The following CHST11 variants were observed in gnomAD, a reference collection of about 807,000 sequenced individuals.
CHST11 encodes the protein C4S-1.
In CHST11, 9 loss-of-function variants were observed where a neutral mutation model predicts 30.4. The observed-to-expected ratio is 0.30, with a 90% CI of 0.18 to 0.52. The LOEUF (loss-of-function observed/expected upper bound fraction) is 0.52, where lower values mean the gene tolerates loss of function less well. Ranked by LOEUF, CHST11 falls within the 20% of genes least tolerant of loss-of-function variation. The pLI, the probability that CHST11 is intolerant of heterozygous loss-of-function variation, is 0.97. For missense variants in CHST11, 348 were observed against 460.6 expected (o/e 0.76, Z 2.24); for synonymous variants, 152 against 187.8 (o/e 0.81, Z 1.56).
intron 1 of CHST11, among the ~76,000 whole-genome samples, chr12:104,527,371 T>G (rs964876634): frequency 1.3e-5 from 2 of 152,174 alleles, no homozygotes; most frequent in Non-Finnish European, 2.9e-5. Flanking sequence ...TCCAACCTCA[T>G]GGAGTGTCAC....
At chr12:104,599,151 G>C in intron 1 of CHST11, among the ~76,000 whole-genome samples, 1 of 152,212 alleles carries the variant, frequency 6.6e-6, no homozygotes, top group Non-Finnish European at 1.5e-5. Flanking sequence ...GGCCCCTTTA[G>C]CTTTTGTGGT....
At chr12:104,485,598 A>G (rs1011542765) in intron 1 of CHST11, among the ~76,000 whole-genome samples, 1 of 152,158 alleles carries the variant, frequency 6.6e-6, no homozygotes, top group Non-Finnish European at 1.5e-5. Context: ...AGTTGTGACA[A>G]TGGCAGAAAC....
chr12:104,703,768 C>G (rs1290902816), intron 2 of CHST11, among the ~76,000 whole-genome samples: 1 of 152,252 alleles, frequency 6.6e-6, no homozygotes, highest in Admixed American at 6.5e-5. Context: ...TAAGCACACA[C>G]CAGGCACATG....
intron 2 of CHST11, among the ~76,000 whole-genome samples, chr12:104,633,406 CTCTG>C (rs2039291169): frequency 6.9e-6 from 1 of 145,020 alleles, no homozygotes; most frequent in Non-Finnish European, 1.5e-5. Context: ...GCTCCTCTCC[CTCTG>C]TCTTTTTTTT....
At chr12:104,486,614 A>G (rs1291848640) in intron 1 of CHST11, among the ~76,000 whole-genome samples, 2 of 152,152 alleles carry the variant, frequency 1.3e-5, no homozygotes, top group African/African-American at 2.4e-5. Flanking sequence ...TGTTTCTGGA[A>G]CTTTCCAGTC....
chr12:104,657,034 A>T (rs941790059), intron 2 of CHST11, among the ~76,000 whole-genome samples: 10 of 151,826 alleles, frequency 6.6e-5, no homozygotes, highest in Admixed American at 2.0e-4. Flanking sequence ...ATTGATGAAG[A>T]AAGCGTGGCA....
chr12:104,613,748 C>T (rs1242624115), intron 2 of CHST11, among the ~76,000 whole-genome samples: 1 of 152,164 alleles, frequency 6.6e-6, no homozygotes, highest in East Asian at 1.9e-4. Context: ...TTCTTTATAG[C>T]AGTGCAAGAA....
At position 104,698,055 on chromosome 12, in the gene CHST11, C is replaced by T. The variant is rs71468227; in HGVS notation, c.205-58894C>T. On this transcript the variant is annotated intron_variant, in intron 2 of 2. Coordinates refer to ENST00000303694, the MANE Select transcript of CHST11 (RefSeq NM_018413.6). ...CCCTGTGTCCTTACTGGTCTCCTGG[C>T]GTCAATGTCCCCTAGTTGAATGCAT... 5.4e-3 allele frequency among the ~76,000 whole-genome samples: 817 copies of T among 152,286 alleles called. 5 individuals carry two copies. The highest frequency in any genetic ancestry group is 8.7e-3 in the Non-Finnish European group (595 of 68,030).
intron 2 of CHST11, among the ~76,000 whole-genome samples, chr12:104,627,389 G>A (rs75787219): frequency 0.019 from 2,845 of 152,226 alleles, 58 homozygotes; most frequent in African/African-American, 0.05. Flanking sequence ...TATGGTAGGA[G>A]TATGTTGACT....
intron 2 of CHST11, among the ~76,000 whole-genome samples, chr12:104,748,665 G>C (rs1451994742): frequency 2.0e-5 from 3 of 152,114 alleles, no homozygotes; most frequent in Admixed American, 2.0e-4. Flanking sequence ...AAGCCTCAGG[G>C]AACACCAGCC....
At chr12:104,652,704 A>T (rs1043326230) in intron 2 of CHST11, among the ~76,000 whole-genome samples, 4 of 152,240 alleles carry the variant, frequency 2.6e-5, no homozygotes, top group African/African-American at 9.6e-5. Context: ...TCTTGGGGGA[A>T]GACCCGAAGC....
chr12:104,575,556 A>C (rs1416456029), intron 1 of CHST11, among the ~76,000 whole-genome samples: 2 of 152,172 alleles, frequency 1.3e-5, no homozygotes, highest in Admixed American at 6.5e-5. Flanking sequence ...ATAGGCAAAG[A>C]AAGGCCTGGG....
At chr12:104,741,119 G>A (rs968315077) in intron 2 of CHST11, among the ~76,000 whole-genome samples, 1 of 152,254 alleles carries the variant, frequency 6.6e-6, no homozygotes, top group Admixed American at 6.5e-5. Flanking sequence ...AGCTGCCCTG[G>A]AGGGAGGGCA....
At chr12:104,605,051 C>T (rs1375648675) in intron 2 of CHST11, among the ~76,000 whole-genome samples, 1 of 149,966 alleles carries the variant, frequency 6.7e-6, no homozygotes, top group South Asian at 2.1e-4. Context: ...TGAAATTCAA[C>T]CCAAAAACAA....
intron 2 of CHST11, among the ~76,000 whole-genome samples, chr12:104,681,417 G>A (rs1335392364): frequency 6.6e-6 from 1 of 152,160 alleles, no homozygotes; most frequent in African/African-American, 2.4e-5. Context: ...CTAGATTAGT[G>A]GTTGCATAGG....
chr12:104,720,790 A>G (rs1181161869), intron 2 of CHST11, among the ~76,000 whole-genome samples: 1 of 152,158 alleles, frequency 6.6e-6, no homozygotes, highest in Non-Finnish European at 1.5e-5. Flanking sequence ...AAACAAAACA[A>G]GTTCACAAAA....
At position 104,735,379 on chromosome 12, in the gene CHST11, G is replaced by C. The variant is rs73392332; in HGVS notation, c.205-21570G>C. Reference sequence around the variant, plus strand: ...ATATATTAGCTCTTCTGGTGGTGCTGGTGGCTGTGCTGTGAATGATAACAG... The same window carrying C: ...ATATATTAGCTCTTCTGGTGGTGCTCGTGGCTGTGCTGTGAATGATAACAG... On this transcript the variant is annotated intron_variant, in intron 2 of 2. Coordinates refer to ENST00000303694, the MANE Select transcript of CHST11 (RefSeq NM_018413.6). 2.9e-3 allele frequency among the ~76,000 whole-genome samples: 436 copies of C among 152,306 alleles called. 2 individuals carry two copies. The highest frequency in any genetic ancestry group is 9.9e-3 in the African/African-American group (412 of 41,540).
At chr12:104,480,646 C>A (rs984196935) in intron 1 of CHST11, among the ~76,000 whole-genome samples, 1 of 150,910 alleles carries the variant, frequency 6.6e-6, no homozygotes, top group Non-Finnish European at 1.5e-5. Context: ...ATATGACTAG[C>A]GTCCTTATTA....
intron 1 of CHST11, among the ~76,000 whole-genome samples, chr12:104,546,493 C>T (rs1036399417): frequency 6.6e-6 from 1 of 151,664 alleles, no homozygotes; most frequent in Admixed American, 6.6e-5. Flanking sequence ...TTAAATTTCC[C>T]TTTTAAGTTT....
Sources: allele counts gnomAD v4.1 joint callset (sites outside exome capture counted in the v4.1 genomes callset), GRCh38; gene constraint gnomAD v4.1.1; transcripts MANE v1.5; gene names NCBI Gene and HGNC (gene_info 2026-07-23, HGNC 2026-07-21).